Variants in ZNF25 observed in about 807,000 individuals in gnomAD.
ZNF25 encodes the protein zinc finger protein 25 (KOX 19).
In ZNF25, 21 loss-of-function variants were observed where a neutral mutation model predicts 30.9. The observed-to-expected ratio is 0.68, with a 90% CI of 0.48 to 0.98. ZNF25 has a LOEUF of 0.98. ZNF25 is among the 50% of genes least tolerant of loss of function. The pLI is 0.00. For synonymous variants in ZNF25, 169 were observed against 181.3 expected (o/e 0.93, Z 0.55); for missense variants, 501 against 529.9 (o/e 0.95, Z 0.54).
intron 1 of ZNF25, among the ~76,000 whole-genome samples, chr10:37,975,302 T>C (rs1177258440): frequency 2.0e-5 from 3 of 152,134 alleles, no homozygotes; most frequent in Non-Finnish European, 4.4e-5. Context: ...GCGGTGGATA[T>C]TGTAATTACC....
intron 2 of ZNF25, among the ~76,000 whole-genome samples, chr10:37,969,644 T>C (rs765390226): frequency 2.6e-5 from 4 of 152,176 alleles, no homozygotes; most frequent in Admixed American, 6.5e-5. Flanking sequence ...TTAATGGGAA[T>C]GGGGTTTTCT....
rs1348035522 is a variant in ZNF25, at chr10:37,951,301, C to T, written c.*826G>A. 6.6e-6 allele frequency: 1 copy of T among 152,388 alleles called. No homozygotes were observed. The highest frequency in any genetic ancestry group is 2.4e-5 in the African/African-American group (1 of 41,414). 9.4% of individuals were successfully genotyped at this position (152,388 alleles called of 1,614,324 possible). On this transcript the variant is annotated 3_prime_UTR_variant, in exon 6 of 6. Transcript: ENST00000302609. Reference sequence around the variant, plus strand: ...TAAGATTATATTATTTCGCTATGTACCATTATGGATGGATTCCACATGCAC... The same window carrying T: ...TAAGATTATATTATTTCGCTATGTATCATTATGGATGGATTCCACATGCAC...
intron 4 of ZNF25, among the ~76,000 whole-genome samples, chr10:37,954,786 A>G (rs1300679618): frequency 1.3e-5 from 2 of 152,208 alleles, no homozygotes; most frequent in African/African-American, 2.4e-5. Context: ...TTTCATAGCA[A>G]TGGTGGGGAA....
intron 2 of ZNF25, among the ~76,000 whole-genome samples, chr10:37,961,922 CAAAAA>C (rs71533129): frequency 5.1e-5 from 2 of 39,080 alleles, no homozygotes; most frequent in Non-Finnish European, 9.7e-5. Context: ...AACTCCATCT[CAAAAA>C]AAAAAAAAAA....
intron 1 of ZNF25, 28 bp from the exon 2 acceptor site, chr10:37,971,835 A>T: frequency 1.4e-6 from 2 of 1,434,468 alleles, no homozygotes; most frequent in Non-Finnish European, 2.0e-6. Context: ...ACAACATTTT[A>T]GTAAAATATA....
Position 37,952,897 on chromosome 10 carries a change from G to A in ZNF25, c.601C>T (p.Pro201Ser). ...RHLRTHAGEK[P>S]YECNQCEKSF... is the part of the protein sequence containing the mutation. Reference sequence around the variant, plus strand: ...TTTTCACACTGATTACATTCATAGGGTTTCTCTCCTGCATGGGTTCTCAGA... The same window carrying A: ...TTTTCACACTGATTACATTCATAGGATTTCTCTCCTGCATGGGTTCTCAGA... The change falls in exon 6 of 6, where the codon CCC becomes TCC. Residue 201 changes from proline to serine, a missense_variant. Physicochemically the swap from Pro to Ser is moderately conservative, Grantham distance 74 (BLOSUM62 -1). Transcript: ENST00000302609. The A allele has an allele frequency of 1.9e-6, 3 of 1,614,114 alleles. No homozygotes were observed. The highest frequency in any genetic ancestry group is 2.5e-6 in the Non-Finnish European group (3 of 1,180,014).
chr10:37,956,937 G>T, intron 4 of ZNF25, 83 bp downstream of exon 4: 19 of 759,758 alleles, frequency 2.5e-5, no homozygotes, highest in South Asian at 3.9e-5. Flanking sequence ...AAAAAAAAGT[G>T]AGAGATTGCC....
chr10:37,964,375 T>A (rs1196925478), intron 2 of ZNF25, among the ~76,000 whole-genome samples: 1 of 152,178 alleles, frequency 6.6e-6, no homozygotes, highest in African/African-American at 2.4e-5. Context: ...GAGGGAATGT[T>A]TGAAACTTCT....
chr10:37,951,930 A>G lies in ZNF25; in HGVS notation c.*197T>C. ...GCCATCTATATTATCTAATATTTAGAAAAGCCTAAAATATGATAAAATTTT... is the reference window on the plus strand; with the variant it reads ...GCCATCTATATTATCTAATATTTAGGAAAGCCTAAAATATGATAAAATTTT... On this transcript the variant is annotated 3_prime_UTR_variant, in exon 6 of 6. Coordinates refer to ENST00000302609, the MANE Select transcript of ZNF25 (RefSeq NM_145011.4). The G allele has an allele frequency of 2.2e-6, 1 of 460,564 alleles. No individual in the cohort carries two copies. The highest frequency in any genetic ancestry group is 3.3e-5 in the East Asian group (1 of 30,250). 28.5% of individuals were successfully genotyped at this position (460,564 alleles called of 1,614,324 possible). A position where few individuals can be genotyped will look rare whatever the true frequency, so the allele number is the denominator to read the frequency against.
intron 2 of ZNF25, among the ~76,000 whole-genome samples, chr10:37,967,210 C>A (rs746764859): frequency 6.6e-6 from 1 of 152,158 alleles, no homozygotes; most frequent in African/African-American, 2.4e-5. Context: ...TCCTCCAATT[C>A]ATACGGAATT....
chr10:37,967,499 T>A (rs1339084723), intron 2 of ZNF25, among the ~76,000 whole-genome samples: 1 of 151,464 alleles, frequency 6.6e-6, no homozygotes, highest in African/African-American at 2.4e-5. Context: ...AGCCTGGACC[T>A]CCCCAGGCTC....
chr10:37,953,665 T>C, intron 5 of ZNF25, 30 bp downstream of exon 5: 1 of 1,606,470 alleles, frequency 6.2e-7, no homozygotes. Flanking sequence ...TTACAAATCT[T>C]CTATCTTAAA....
chr10:37,976,393 G>C (rs535249098), intron 1 of ZNF25, 113 bp downstream of exon 1: 2 of 152,450 alleles, frequency 1.3e-5, no homozygotes, highest in Admixed American at 1.3e-4. Flanking sequence ...CTCCCCACCA[G>C]GCGGCTCCCA....
At chr10:37,955,853 T>C (rs1220042853) in intron 4 of ZNF25, among the ~76,000 whole-genome samples, 1 of 152,032 alleles carries the variant, frequency 6.6e-6, no homozygotes, top group Admixed American at 6.6e-5. Context: ...CCGGCTAATT[T>C]TTGTATTTTT....
At chr10:37,965,482 G>A (rs1326181293) in intron 2 of ZNF25, among the ~76,000 whole-genome samples, 1 of 152,208 alleles carries the variant, frequency 6.6e-6, no homozygotes, top group East Asian at 1.9e-4. Flanking sequence ...AAGGCAGTGT[G>A]ATGACACATT....
intron 4 of ZNF25, among the ~76,000 whole-genome samples, chr10:37,956,669 C>T (rs2489166): frequency 0.22 from 32,841 of 151,918 alleles, 3,747 homozygotes; most frequent in East Asian, 0.4. Context: ...GTAATCCTAG[C>T]ACTTTGGGAG....
At chr10:37,961,343 A>G (rs1185489670) in intron 2 of ZNF25, among the ~76,000 whole-genome samples, 2 of 152,204 alleles carry the variant, frequency 1.3e-5, no homozygotes, top group Non-Finnish European at 2.9e-5. Context: ...ATTCTATTTC[A>G]GCAATTAAGA....
rs1590164369 is a variant in ZNF25 at position 37,951,885 on chromosome 10, T to C, written c.*242A>G. ...ACTTCTGAAAGGTTTCCTTCCTGTTTTACAATTTGCATGACTTCTGCCATC... is the reference window on the plus strand; with the variant it reads ...ACTTCTGAAAGGTTTCCTTCCTGTTCTACAATTTGCATGACTTCTGCCATC... On this transcript the variant is annotated 3_prime_UTR_variant, in exon 6 of 6. Transcript: ENST00000302609. 1 of 394,858 alleles carries C rather than the reference T, an allele frequency of 2.5e-6. No homozygotes were observed. Among genetic ancestry groups the C allele is most frequent in the East Asian group, 3.7e-5 (1 of 26,910 alleles). The allele number at this position is 394,858 out of a possible 1,614,324, so 24.5% of individuals were successfully genotyped here. A position where few individuals can be genotyped will look rare whatever the true frequency, so the allele number is the denominator to read the frequency against.
At chr10:37,972,168 A>C (rs2063527800) in intron 1 of ZNF25, among the ~76,000 whole-genome samples, 1 of 152,240 alleles carries the variant, frequency 6.6e-6, no homozygotes, top group East Asian at 1.9e-4. Flanking sequence ...AAGGTAATTA[A>C]GTTACATATC....
Sources: allele counts gnomAD v4.1 joint callset (sites outside exome capture counted in the v4.1 genomes callset), GRCh38; gene constraint gnomAD v4.1.1; transcripts MANE v1.5; gene names NCBI Gene and HGNC (gene_info 2026-07-23, HGNC 2026-07-21).